Variants in UTP20 observed in about 807,000 individuals in gnomAD.
UTP20 encodes UTP20 small subunit processome component, also known as small subunit processome component 20 homolog.
A neutral mutation model predicts 329.5 loss-of-function variants in UTP20; 164 were observed. The observed-to-expected ratio is 0.50, with a 90% CI of 0.44 to 0.57. The LOEUF (loss-of-function observed/expected upper bound fraction) is 0.57, where lower values mean the gene tolerates loss of function less well. Ranked by LOEUF, UTP20 falls within the 20% of genes least tolerant of loss-of-function variation. The pLI is 0.00. For missense variants in UTP20, 3,055 were observed against 3,284.2 expected (o/e 0.93, Z 1.71); for synonymous variants, 1,151 against 1,159.3 (o/e 0.99, Z 0.14).
intron 39 of UTP20, among the ~76,000 whole-genome samples, 192 bp downstream of exon 39, chr12:101,352,386 A>G (rs1869558698): frequency 6.6e-6 from 1 of 152,142 alleles, no homozygotes; most frequent in African/African-American, 2.4e-5. Flanking sequence ...TTATAGCAGC[A>G]TGATTTATAG....
rs376859385 is a variant in UTP20, at chr12:101,342,553, C to T, written c.4209C>T (p.Asn1403=). 5 of 1,613,308 alleles carry T rather than the reference C, an allele frequency of 3.1e-6. No homozygotes were observed. The highest frequency in any genetic ancestry group is 1.6e-4 in the Middle Eastern group (1 of 6,070). The part of the protein sequence containing the change: ...PIAKLFSVIK[N]KLSRKLLCTV... ...CAAAACTTTTCTCAGTTATTAAGAA[C>T]AAATTGTCAAGAAAATTGCTTTGTA... Residue 1403 remains asparagine (N), a synonymous_variant, in exon 33 of 62, where the codon AAC becomes AAT. Coordinates refer to ENST00000261637, the MANE Select transcript of UTP20 (RefSeq NM_014503.3).
intron 6 of UTP20, 68 bp from the exon 7 acceptor site, chr12:101,290,069 T>G: frequency 5.7e-6 from 7 of 1,217,716 alleles, no homozygotes; most frequent in Non-Finnish European, 7.9e-6. Context: ...GAATAGCAAA[T>G]GAGAGTTCTT....
Position 101,285,836 on chromosome 12 carries a change from C to T in UTP20, c.281C>T (p.Thr94Ile). Residue 94 changes from threonine (T) to isoleucine (I), a missense_variant, in exon 4 of 62, where the codon ACT (threonine) becomes ATT (isoleucine). This residue lies in a region of UTP20 where 2,445 missense variants were observed against 2,575.5 expected (regional missense o/e 0.95). Transcript: ENST00000261637. ...AACGAGATAGTTCAGAGTTTGAAGA[C>T]TCACCTGCAAGTTAAGAACAGTTTT... ...HQNEIVQSLKTHLQVKNSFAY... is the reference protein window; with the variant it reads ...HQNEIVQSLKIHLQVKNSFAY... 6.2e-7 allele frequency: 1 copy of T among 1,613,850 alleles called. No individual in the cohort carries two copies. Among genetic ancestry groups the T allele is most frequent in the Non-Finnish European group, 8.5e-7 (1 of 1,179,894 alleles).
At position 101,291,980 on chromosome 12, in the gene UTP20, A is replaced by G; in HGVS notation, c.1049A>G (p.Gln350Arg). The change falls in exon 10 of 62, where the codon CAA (glutamine) becomes CGA (arginine). Residue 350 changes from glutamine (Q) to arginine (R), a missense_variant. Transcript: ENST00000261637. Reference protein sequence around the residue: ...TPADVCKVLSQTLQVASLSTS... With the variant: ...TPADVCKVLSRTLQVASLSTS... ...TTTTTCTTTTTGCAGGTGTTATCTCAAACACTGCAAGTAGCCAGTCTCTCC... is the reference window on the plus strand; with the variant it reads ...TTTTTCTTTTTGCAGGTGTTATCTCGAACACTGCAAGTAGCCAGTCTCTCC... 6.2e-7 allele frequency: 1 copy of G among 1,612,836 alleles called. No individual in the cohort carries two copies.
Position 101,290,129 on chromosome 12 carries a change from T to C in UTP20, c.598-8T>C. The C allele has an allele frequency of 6.5e-7, 1 of 1,541,122 alleles. No individual in the cohort carries two copies. The highest frequency in any genetic ancestry group is 1.2e-5 in the South Asian group (1 of 84,484). On this transcript the variant is annotated splice_polypyrimidine_tract_variant and splice_region_variant and intron_variant, in intron 6 of 61. Coordinates refer to ENST00000261637, the MANE Select transcript of UTP20 (RefSeq NM_014503.3). ...AATATAATTTTCCATTTCTACTTTA[T>C]ATTTTAGGTCTCTGATAAAAACGCA...
chr12:101,374,909 A>G lies in UTP20; in HGVS notation c.7233A>G (p.Glu2411=), dbSNP rs776754456. The G allele has an allele frequency of 8.7e-6, 14 of 1,611,898 alleles. No individual in the cohort carries two copies. In the South Asian group the frequency reaches 1.4e-4, roughly 16 times the overall value. ...KRLGTVLPVI[E]KEIDPENFKD... is the part of the protein sequence containing the mutation. ...TTGGAACTGTCCTTCCTGTGATTGA[A>G]AAGGAAATTGATCCTGAAAACTTTA... is the stretch of plus-strand genomic sequence containing the variant. Residue 2411 remains glutamate, a synonymous_variant, in exon 55 of 62, where the codon GAA becomes GAG. Transcript: ENST00000261637.
intron 32 of UTP20, among the ~76,000 whole-genome samples, chr12:101,340,937 CTTTTTTTTTTTTTTTTTTTTTTT>C (rs71091488): frequency 3.7e-4 from 31 of 82,990 alleles, no homozygotes; most frequent in African/African-American, 7.3e-4. Flanking sequence ...ATTGTGTAAT[CTTTTTTTTTTTTTTTTTTTTTTT>C]TTTTTTTTTT....
In UTP20 at chr12:101,319,652, C is replaced by T; in HGVS notation, c.2829+17C>T. 6.4e-7 allele frequency: 1 copy of T among 1,567,452 alleles called. No individual in the cohort carries two copies. The highest frequency in any genetic ancestry group is 1.4e-5 in the African/African-American group (1 of 73,002). On this transcript the variant is annotated intron_variant, in intron 23 of 61. Transcript: ENST00000261637. ...TATCTTCAGGTCAGTAAAATAAACT[C>T]TTGGCATTATAATTCTTTGTGAACT... is the stretch of plus-strand genomic sequence containing the variant.
chr12:101,293,143 T>G, intron 10 of UTP20, 25 bp from the exon 11 acceptor site: 1 of 1,606,452 alleles, frequency 6.2e-7, no homozygotes, highest in East Asian at 2.2e-5. Context: ...TGTACTTACA[T>G]TAATATTTTT....
chr12:101,312,492 G>A (rs1340179609), intron 21 of UTP20, among the ~76,000 whole-genome samples: 1 of 151,980 alleles, frequency 6.6e-6, no homozygotes. Context: ...GTTGCCCAGG[G>A]GTGCAGTGGT....
chr12:101,345,450 G>A, intron 36 of UTP20, 104 bp from the exon 37 acceptor site: 1 of 809,344 alleles, frequency 1.2e-6, no homozygotes, highest in Non-Finnish European at 1.8e-6. Context: ...TTTTAACAGT[G>A]GAAATATTTT....
In UTP20 at chr12:101,352,095, C is replaced by G; in HGVS notation, c.4925C>G (p.Ala1642Gly). ...ACTGCTGCCACAGAGATTATTGGAG[C>G]CATTTGCAAACATCTCTCTTGGTCA... ...ITTAATEIIG[A>G]ICKHLSWSAY... Residue 1642 changes from alanine to glycine, a missense_variant, in exon 39 of 62, where the codon GCC becomes GGC. Ala to Gly is a moderately conservative substitution (Grantham distance 60). Around this residue, in one of 3 missense-constraint regions of UTP20, gnomAD observed 2,445 missense variants for 2,575.5 expected, o/e 0.95. Transcript: ENST00000261637. 1.2e-6 allele frequency: 2 copies of G among 1,613,774 alleles called. No homozygotes were observed. The highest frequency in any genetic ancestry group is 8.5e-7 in the Non-Finnish European group (1 of 1,179,914).
At chr12:101,295,246 C>G (rs1254897096) in intron 11 of UTP20, among the ~76,000 whole-genome samples, 1 of 152,080 alleles carries the variant, frequency 6.6e-6, no homozygotes, top group Non-Finnish European at 1.5e-5. Context: ...TGTCTTTATT[C>G]TCTCCTGACA....
At position 101,310,577 on chromosome 12, in the gene UTP20, C is replaced by CAAAAAAAAAAAAAAAAAAAAA. The variant is rs549641642; in HGVS notation, c.2231+739_2231+759dup. On this transcript the variant is annotated intron_variant, in intron 19 of 61. Coordinates refer to ENST00000261637, the MANE Select transcript of UTP20 (RefSeq NM_014503.3). The stretch of plus-strand genomic sequence containing the variant: ...GCAACAAGAGTGAAACTCTGTCTCC[C>CAAAAAAAAAAAAAAAAAAAAA]AAAAAAAAAAAAAAAAAAAAATACA... Among the ~76,000 whole-genome samples the CAAAAAAAAAAAAAAAAAAAAA allele has an allele frequency of 2.3e-4, 10 of 44,360 alleles. 1 individual carries two copies. Among genetic ancestry groups the CAAAAAAAAAAAAAAAAAAAAA allele is most frequent in the African/African-American group, 6.6e-4 (6 of 9,140 alleles). 29.1% of individuals were successfully genotyped at this position (44,360 alleles called of 152,430 possible).
intron 35 of UTP20, among the ~76,000 whole-genome samples, chr12:101,344,348 A>G (rs1351880983): frequency 1.3e-5 from 2 of 152,210 alleles, no homozygotes; most frequent in African/African-American, 2.4e-5. Context: ...TAACAAGGAC[A>G]TTTCATAGTG....
intron 25 of UTP20, chr12:101,326,778 G>T: frequency 5.5e-6 from 1 of 182,390 alleles, no homozygotes; most frequent in Non-Finnish European, 1.1e-5. Flanking sequence ...TTATAGAGAC[G>T]TGGTCTCACT....
chr12:101,370,081 A>T (rs1216433373), intron 49 of UTP20, among the ~76,000 whole-genome samples, 190 bp downstream of exon 49: 5 of 151,188 alleles, frequency 3.3e-5, no homozygotes, highest in Non-Finnish European at 7.4e-5. Flanking sequence ...TTAGCTGGGC[A>T]TGGTGATGTG....
chr12:101,381,235 T>G (rs1870635473), intron 58 of UTP20, 24 bp downstream of exon 58: 1 of 1,599,766 alleles, frequency 6.3e-7, no homozygotes, highest in African/African-American at 1.3e-5. Flanking sequence ...TTCTCCCAGT[T>G]TAAAAGAAGG....
At chr12:101,290,074 GTTC>G (rs1398257707) in intron 6 of UTP20, 60 bp from the exon 7 acceptor site, 3 of 1,242,998 alleles carry the variant, frequency 2.4e-6, no homozygotes, top group Non-Finnish European at 2.2e-6. Context: ...GCAAATGAGA[GTTC>G]TTCATTTGGA....
Sources: gnomAD v4.1 joint callset for allele counts (sites outside exome capture counted in the v4.1 genomes callset) on GRCh38, gnomAD v4.1.1 for gene constraint, gnomAD v4.1.1 regional missense constraint, MANE v1.5 for transcripts, NCBI Gene and HGNC (gene_info 2026-07-23, HGNC 2026-07-21) for gene names.